Variants in INPP5A observed in about 807,000 individuals in gnomAD.
INPP5A encodes the protein 43 kDa inositol polyphosphate 5-phophatase.
Under a neutral mutation model 65.2 loss-of-function variants are expected in INPP5A, and 14 were observed. That is an observed-to-expected ratio of 0.21 (90% CI 0.14 to 0.34). The LOEUF is 0.34. Among genes scored for constraint, INPP5A ranks in the 10% least tolerant of loss-of-function variants. INPP5A has a pLI of 1.00. For synonymous variants in INPP5A, 207 were observed against 208.3 expected (o/e 0.99, Z 0.05); for missense variants, 431 against 545.6 (o/e 0.79, Z 2.09).
chr10:132,691,881 TGGTCGCGGGAGACATGC>T (rs1424938591), intron 5 of INPP5A, among the ~76,000 whole-genome samples: 8 of 143,580 alleles, frequency 5.6e-5, no homozygotes, highest in African/African-American at 1.3e-4. Flanking sequence ...GGGAGACGTG[TGGTCGCGGGAGACATGC>T]GGTCGCGGGA....
intron 9 of INPP5A, among the ~76,000 whole-genome samples, chr10:132,732,170 C>T (rs1188696178): frequency 1.3e-5 from 2 of 152,244 alleles, no homozygotes; most frequent in African/African-American, 4.8e-5. Flanking sequence ...TTATAATGCC[C>T]TCATGCTGGA....
intron 1 of INPP5A, among the ~76,000 whole-genome samples, chr10:132,579,551 G>A (rs2133297660): frequency 6.6e-6 from 1 of 152,206 alleles, no homozygotes; most frequent in South Asian, 2.1e-4. Flanking sequence ...GCTTGCTGTG[G>A]GCCAGGGACA....
chr10:132,782,022 C>T lies in INPP5A; in HGVS notation c.*8-15C>T, dbSNP rs774118026. The T allele has an allele frequency of 2.0e-5, 32 of 1,606,344 alleles. No individual in the cohort carries two copies. The highest frequency in any genetic ancestry group is 4.0e-5 in the African/African-American group (3 of 74,812). On this transcript the variant is annotated splice_polypyrimidine_tract_variant and intron_variant, in intron 15 of 15. Coordinates refer to ENST00000368594, the MANE Select transcript of INPP5A (RefSeq NM_005539.5). This position sits in a 1 kb window ranked among gnomAD's most constrained non-coding sequence, Gnocchi z 4.4. ...GTGCGTTTGTTCCTTTAACAAATTA[C>T]GAATTCCGTGACAGGGAAGAGATGC... is the stretch of plus-strand genomic sequence containing the variant.
At chr10:132,716,187 C>G (rs1205603835) in intron 8 of INPP5A, among the ~76,000 whole-genome samples, 1 of 152,228 alleles carries the variant, frequency 6.6e-6, no homozygotes, top group Non-Finnish European at 1.5e-5. Flanking sequence ...GTTTCCTTTC[C>G]TTAAGAAACA....
At chr10:132,573,342 G>A (rs2071373877) in intron 1 of INPP5A, among the ~76,000 whole-genome samples, 1 of 145,590 alleles carries the variant, frequency 6.9e-6, no homozygotes, top group Admixed American at 6.7e-5. Context: ...TGTGCTGTGT[G>A]AGGTTTTGTT....
At chr10:132,611,606 T>G (rs1411268153) in intron 2 of INPP5A, among the ~76,000 whole-genome samples, 8 of 52,786 alleles carry the variant, frequency 1.5e-4, no homozygotes, top group Admixed American at 4.3e-4. Flanking sequence ...GGAGGTGAGG[T>G]AGGCAGGGGA....
At chr10:132,746,798 T>C (rs962767904) in intron 9 of INPP5A, among the ~76,000 whole-genome samples, 5 of 152,258 alleles carry the variant, frequency 3.3e-5, no homozygotes, top group African/African-American at 4.8e-5. Context: ...GAAGAATCCC[T>C]TCCCAAAGTA....
chr10:132,599,456 G>A (rs1341372183), intron 1 of INPP5A, among the ~76,000 whole-genome samples: 1 of 152,248 alleles, frequency 6.6e-6, no homozygotes, highest in East Asian at 1.9e-4. Flanking sequence ...ACGATCTTGG[G>A]CAGCTCCGCC....
At chr10:132,576,036 GC>G (rs1402910554) in intron 1 of INPP5A, among the ~76,000 whole-genome samples, 7 of 152,170 alleles carry the variant, frequency 4.6e-5, no homozygotes, top group African/African-American at 1.7e-4. Context: ...CTGACCTGCA[GC>G]TACCCACTGG....
In INPP5A at chr10:132,663,778, TA is replaced by T. The variant is rs1049775531; in HGVS notation, c.306+13274del. ...GGTGCTCTGTGAGCAGATTCGCCCC[TA>T]GGGGTGAAGTCATCTCGCTCCTCTT... On this transcript the variant is annotated intron_variant, in intron 4 of 15. Transcript: ENST00000368594. This position sits in a 1 kb window ranked among gnomAD's most constrained non-coding sequence, Gnocchi z 4.5. 3.3e-5 allele frequency among the ~76,000 whole-genome samples: 5 copies of T among 152,154 alleles called. No individual in the cohort carries two copies. The highest frequency in any genetic ancestry group is 9.7e-5 in the African/African-American group (4 of 41,436).
chr10:132,729,039 A>G (rs574158905), intron 9 of INPP5A, among the ~76,000 whole-genome samples: 3,206 of 120,680 alleles, frequency 0.027, 52 homozygotes, highest in South Asian at 0.067. Flanking sequence ...CCTGGACTCC[A>G]GGGCCTGTGG....
At chr10:132,733,514 A>C (rs1048992744) in intron 9 of INPP5A, among the ~76,000 whole-genome samples, 1 of 152,250 alleles carries the variant, frequency 6.6e-6, no homozygotes, top group Non-Finnish European at 1.5e-5. Context: ...AGCCCCTCTT[A>C]TGGAAAATCA....
intron 1 of INPP5A, among the ~76,000 whole-genome samples, chr10:132,592,398 G>T (rs1338584237): frequency 6.8e-6 from 1 of 146,070 alleles, no homozygotes; most frequent in Admixed American, 6.8e-5. Context: ...TCTAAGTGGG[G>T]CAAAAATGTT....
In INPP5A at chr10:132,538,982, C is replaced by G. The variant is rs763281387; in HGVS notation, c.75+811C>G. On this transcript the variant is annotated intron_variant, in intron 1 of 15. Transcript: ENST00000368594. The surrounding 1 kb of genome is among the most constrained non-coding windows in gnomAD (Gnocchi z 4.1). ...GTCCTTGACCCCTGAACCTGGAACC[C>G]TGGTTCCAGAATCAGGCCCCAAACC... Among the ~76,000 whole-genome samples the G allele has an allele frequency of 1.1e-4, 16 of 152,190 alleles. No homozygotes were observed. The highest frequency in any genetic ancestry group is 3.3e-4 in the Admixed American group (5 of 15,286).
chr10:132,708,379 G>C lies in INPP5A; in HGVS notation c.527+14G>C. Reference sequence around the variant, plus strand: ...CATTGCAGACTGGTACGTGGTGTCTGTGCTTTGTCAATTTCCATAACGTTT... The same window carrying C: ...CATTGCAGACTGGTACGTGGTGTCTCTGCTTTGTCAATTTCCATAACGTTT... On this transcript the variant is annotated intron_variant, in intron 7 of 15. Transcript: ENST00000368594. The C allele has an allele frequency of 1.2e-6, 2 of 1,612,728 alleles. No individual in the cohort carries two copies. Among genetic ancestry groups the C allele is most frequent in the Non-Finnish European group, 1.7e-6 (2 of 1,178,714 alleles).
At chr10:132,554,292 C>T (rs2071095338) in intron 1 of INPP5A, among the ~76,000 whole-genome samples, 1 of 152,160 alleles carries the variant, frequency 6.6e-6, no homozygotes, top group Non-Finnish European at 1.5e-5. Context: ...GCTTCCCTGG[C>T]TTCTGAGCTC....
intron 4 of INPP5A, among the ~76,000 whole-genome samples, chr10:132,660,392 T>C (rs2072719950): frequency 6.6e-6 from 1 of 152,240 alleles, no homozygotes; most frequent in South Asian, 2.1e-4. Context: ...GTTTTCATAG[T>C]GTGCCTTGCA....
intron 12 of INPP5A, among the ~76,000 whole-genome samples, chr10:132,773,863 C>T (rs547862456): frequency 1.3e-5 from 2 of 152,186 alleles, no homozygotes; most frequent in Non-Finnish European, 2.9e-5. Context: ...TGGGCTCAAG[C>T]GATTTTCCCC....
Position 132,627,495 on chromosome 10 carries a change from C to T in INPP5A, c.118-18373C>T, listed in dbSNP as rs1444576320. Among the ~76,000 whole-genome samples, 1 of 152,162 alleles carries T rather than the reference C, an allele frequency of 6.6e-6. No individual in the cohort carries two copies. The highest frequency in any genetic ancestry group is 1.5e-5 in the Non-Finnish European group (1 of 68,036). ...CCGCGGTGGCTGCCTCGTCCAGCAG[C>T]GTCCCTGCCAGAAGTGGGTGCTTTG... is the stretch of plus-strand genomic sequence containing the variant. On this transcript the variant is annotated intron_variant, in intron 2 of 15. Transcript: ENST00000368594. This position sits in a 1 kb window ranked among gnomAD's most constrained non-coding sequence, Gnocchi z 6.6.
Sources: gnomAD v4.1 joint callset for allele counts (sites outside exome capture counted in the v4.1 genomes callset) on GRCh38, gnomAD v4.1.1 for gene constraint, Gnocchi (gnomAD v3.1) non-coding constraint, MANE v1.5 for transcripts, NCBI Gene and HGNC (gene_info 2026-07-23, HGNC 2026-07-21) for gene names.